Variants in UBE2G1 observed in about 807,000 individuals in gnomAD.
UBE2G1 encodes ubiquitin conjugating enzyme E2 G1.
Under a neutral mutation model 22.7 loss-of-function variants are expected in UBE2G1, and 5 were observed. The observed-to-expected ratio is 0.22, with a 90% CI of 0.12 to 0.46. UBE2G1 has a LOEUF of 0.46. UBE2G1 is among the 20% of genes least tolerant of loss of function. The pLI, the probability that UBE2G1 is intolerant of heterozygous loss-of-function variation, is 0.99. For missense variants in UBE2G1, 88 were observed against 203.9 expected (o/e 0.43, Z 3.46); for synonymous variants, 74 against 67.5 (o/e 1.10, Z -0.47).
Position 4,358,209 on chromosome 17 carries a change from T to C in UBE2G1, c.46+8062A>G, listed in dbSNP as rs183120831. Among the ~76,000 whole-genome samples the C allele has an allele frequency of 5.3e-5, 8 of 152,296 alleles. No individual in the cohort carries two copies. The East Asian group carries it at 1.5e-3, about 29-fold the overall frequency. Reference sequence around the variant, plus strand: ...CCCTGATGTCTAATAATGTTGAACATGTTGTCACTTGTTTGCTATTTGTAT... The same window carrying C: ...CCCTGATGTCTAATAATGTTGAACACGTTGTCACTTGTTTGCTATTTGTAT... On this transcript the variant is annotated intron_variant, in intron 1 of 5. Transcript: ENST00000396981.
chr17:4,361,509 AGAGT>A (rs1396409064), intron 1 of UBE2G1, among the ~76,000 whole-genome samples: 1 of 152,178 alleles, frequency 6.6e-6, no homozygotes, highest in East Asian at 1.9e-4. Flanking sequence ...CCTGGGTGAC[AGAGT>A]GAGACTCCGT....
rs140549584 is a variant in UBE2G1 at position 4,289,523 on chromosome 17, C to T, written c.248-115G>A. On this transcript the variant is annotated intron_variant, in intron 3 of 5. Coordinates refer to ENST00000396981, the MANE Select transcript of UBE2G1 (RefSeq NM_003342.5). ...GTACCTTTATCAAACATGACACATA[C>T]GCAGAAGTTAATGTCCAAAATGCAA... The T allele has an allele frequency of 2.5e-4, 298 of 1,174,068 alleles. 2 individuals are homozygous for T. In the African/African-American group the frequency reaches 4.1e-3, roughly 16 times the overall value. 72.7% of individuals were successfully genotyped at this position (1,174,068 alleles called of 1,614,324 possible).
chr17:4,305,627 C>T lies in UBE2G1; in HGVS notation c.149+1394G>A, dbSNP rs139377790. On this transcript the variant is annotated intron_variant, in intron 2 of 5. Coordinates refer to ENST00000396981, the MANE Select transcript of UBE2G1 (RefSeq NM_003342.5). ...CGTAATTTTGGCTCACTGCAACCTCCACCTCCCGGATTCAAGCGATTCTCC... is the reference window on the plus strand; with the variant it reads ...CGTAATTTTGGCTCACTGCAACCTCTACCTCCCGGATTCAAGCGATTCTCC... 3.0e-3 allele frequency among the ~76,000 whole-genome samples: 460 copies of T among 152,276 alleles called. 1 individual carries two copies. Among genetic ancestry groups the T allele is most frequent in the Non-Finnish European group, 5.0e-3 (341 of 68,006 alleles).
chr17:4,308,295 G>T (rs183472255), intron 1 of UBE2G1, among the ~76,000 whole-genome samples: 8 of 152,314 alleles, frequency 5.3e-5, no homozygotes, highest in Non-Finnish European at 8.8e-5. Context: ...AGAGGTTGTG[G>T]TGAGCCAAGA....
At chr17:4,298,134 G>C (rs4790606) in intron 2 of UBE2G1, among the ~76,000 whole-genome samples, 1,821 of 152,268 alleles carry the variant, frequency 0.012, 113 homozygotes, top group Admixed American at 0.11. Flanking sequence ...TTAAAAGCAG[G>C]TATTTCTAAA....
intron 1 of UBE2G1, among the ~76,000 whole-genome samples, chr17:4,338,745 G>A (rs1969678122): frequency 6.6e-6 from 1 of 152,222 alleles, no homozygotes; most frequent in East Asian, 1.9e-4. Context: ...GATCTGGAGT[G>A]AGAGTCAAAA....
At position 4,329,758 on chromosome 17, in the gene UBE2G1, CT is replaced by C. The variant is rs1969548715; in HGVS notation, c.47-22636del. ...TGTAACCAATTCATAAACCATCTCT[CT>C]CTTTCCAGTATAACTTTTTCTTACT... On this transcript the variant is annotated intron_variant, in intron 1 of 5. Coordinates refer to ENST00000396981, the MANE Select transcript of UBE2G1 (RefSeq NM_003342.5). 2.0e-5 allele frequency among the ~76,000 whole-genome samples: 3 copies of C among 152,046 alleles called. No individual in the cohort carries two copies. In the South Asian group the frequency reaches 6.2e-4, roughly 32 times the overall value.
In UBE2G1 at chr17:4,355,703, ATTC is replaced by A. The variant is rs975866478; in HGVS notation, c.46+10565_46+10567del. 6.8e-5 allele frequency among the ~76,000 whole-genome samples: 10 copies of A among 147,036 alleles called. No individual in the cohort carries two copies. In the East Asian group the frequency reaches 1.7e-3, roughly 25 times the overall value. On this transcript the variant is annotated intron_variant, in intron 1 of 5. Coordinates refer to ENST00000396981, the MANE Select transcript of UBE2G1 (RefSeq NM_003342.5). ...TGGCTGCTCTGCCTATGGAGTAGCCATTCTTTTTTTTTTTTTCTGAGACGGAAT... is the reference window on the plus strand; with the variant it reads ...TGGCTGCTCTGCCTATGGAGTAGCCATTTTTTTTTTTTTCTGAGACGGAAT...
chr17:4,330,784 G>A (rs1969565874), intron 1 of UBE2G1, among the ~76,000 whole-genome samples: 2 of 151,500 alleles, frequency 1.3e-5, no homozygotes, highest in African/African-American at 4.8e-5. Flanking sequence ...ATTAGAGACG[G>A]GGTTTCACCA....
intron 3 of UBE2G1, among the ~76,000 whole-genome samples, chr17:4,296,178 T>C (rs1426019997): frequency 6.6e-6 from 1 of 152,052 alleles, no homozygotes; most frequent in Non-Finnish European, 1.5e-5. Context: ...TCAGTAACCA[T>C]GCCCTCTGGT....
intron 1 of UBE2G1, among the ~76,000 whole-genome samples, chr17:4,317,427 G>C (rs1229387665): frequency 6.6e-6 from 1 of 152,204 alleles, no homozygotes; most frequent in African/African-American, 2.4e-5. Context: ...GCTGAGGTGG[G>C]AGGACTGCTT....
chr17:4,272,832 G>A (rs759581198), intron 5 of UBE2G1, among the ~76,000 whole-genome samples: 15 of 152,154 alleles, frequency 9.9e-5, no homozygotes, highest in South Asian at 2.1e-4. Context: ...ATCACAGAAC[G>A]TTCTACTGGA....
chr17:4,319,654 G>C (rs1969414804), intron 1 of UBE2G1, among the ~76,000 whole-genome samples: 1 of 152,014 alleles, frequency 6.6e-6, no homozygotes, highest in South Asian at 2.1e-4. Flanking sequence ...CAGATCACTT[G>C]AGCCCAGGAG....
intron 1 of UBE2G1, among the ~76,000 whole-genome samples, chr17:4,321,363 C>G (rs1285467199): frequency 6.8e-6 from 1 of 147,442 alleles, no homozygotes; most frequent in Non-Finnish European, 1.5e-5. Context: ...CTGGCTAACA[C>G]TGGGCATCCT....
chr17:4,328,773 T>C (rs1048469897), intron 1 of UBE2G1, among the ~76,000 whole-genome samples: 2 of 152,210 alleles, frequency 1.3e-5, no homozygotes, highest in African/African-American at 4.8e-5. Context: ...CTTGATGGGC[T>C]TCTGTGCTGC....
chr17:4,280,920 A>T (rs1198047637), intron 5 of UBE2G1, among the ~76,000 whole-genome samples: 1 of 152,188 alleles, frequency 6.6e-6, no homozygotes, highest in East Asian at 1.9e-4. Flanking sequence ...GGTGTGAGCC[A>T]CCGCACCTGG....
At chr17:4,285,105 A>T (rs1039788026) in intron 4 of UBE2G1, among the ~76,000 whole-genome samples, 6 of 151,948 alleles carry the variant, frequency 3.9e-5, no homozygotes, top group Non-Finnish European at 8.8e-5. Context: ...CGGCCTCCCA[A>T]AGTGCTGGGA....
At chr17:4,351,387 C>T (rs1401733157) in intron 1 of UBE2G1, among the ~76,000 whole-genome samples, 9 of 152,180 alleles carry the variant, frequency 5.9e-5, no homozygotes. Context: ...CAACACAATA[C>T]CCTCGTCTGT....
chr17:4,290,937 T>G (rs1969029719), intron 3 of UBE2G1, among the ~76,000 whole-genome samples: 1 of 152,028 alleles, frequency 6.6e-6, no homozygotes. Context: ...AGTACAGCAG[T>G]GAATATATGA....
Sources: allele counts gnomAD v4.1 joint callset (sites outside exome capture counted in the v4.1 genomes callset), GRCh38; gene constraint gnomAD v4.1.1; transcripts MANE v1.5; gene names NCBI Gene and HGNC (gene_info 2026-07-23, HGNC 2026-07-21).